Variants in ZNF596 observed in about 807,000 individuals in gnomAD.
ZNF596 encodes the protein zinc finger protein 596.
A neutral mutation model predicts 48.3 loss-of-function variants in ZNF596; 45 were observed. The observed-to-expected ratio is 0.93, with a 90% CI of 0.73 to 1.19. The LOEUF (loss-of-function observed/expected upper bound fraction) is 1.19. Among genes scored for constraint, ZNF596 ranks in the 50% most tolerant of loss-of-function variants. The probability of loss-of-function intolerance (pLI) is 0.00; values close to 1 mark genes in which losing one functional copy is unlikely to be tolerated. For synonymous variants in ZNF596, 270 were observed against 202.0 expected, an observed-to-expected ratio of 1.34 and a Z score of -2.85; for missense variants, 848 against 599.7, an observed-to-expected ratio of 1.41 and a Z score of -4.32.
At chr8:235,135 C>G (rs530049160) in intron 1 of ZNF596, among the ~76,000 whole-genome samples, 1 of 152,096 alleles carries the variant, frequency 6.6e-6, no homozygotes, top group Non-Finnish European at 1.5e-5. Flanking sequence ...TTCATCCACA[C>G]GATGGAGTGT....
intron 3 of ZNF596, 200 bp downstream of exon 3, chr8:243,213 T>C (rs1796925075): frequency 2.4e-6 from 1 of 419,362 alleles, no homozygotes; most frequent in East Asian, 3.9e-5. Context: ...ATTTGTCCTC[T>C]CTCTAGAAAG....
chr8:246,643 T>C lies in ZNF596; in HGVS notation c.*281T>C, dbSNP rs1262539548. On this transcript the variant is annotated 3_prime_UTR_variant, in exon 6 of 6. Transcript: ENST00000398612. Reference sequence around the variant, plus strand: ...TGTTAAATAAATGGGAGAAATCACATCACGAAAATTCTGTGCCTGTCGTCA... The same window carrying C: ...TGTTAAATAAATGGGAGAAATCACACCACGAAAATTCTGTGCCTGTCGTCA... The C allele has an allele frequency of 3.4e-6, 1 of 297,436 alleles. No individual in the cohort carries two copies. The highest frequency in any genetic ancestry group is 6.2e-6 in the Non-Finnish European group (1 of 161,866). The allele number at this position is 297,436 out of a possible 1,614,324, so 18.4% of individuals were successfully genotyped here.
At chr8:236,181 G>A (rs1424157558) in intron 1 of ZNF596, among the ~76,000 whole-genome samples, 3 of 152,026 alleles carry the variant, frequency 2.0e-5, no homozygotes, top group African/African-American at 7.3e-5. Flanking sequence ...CATAATATTT[G>A]CCTGTTGTAA....
chr8:242,770 GT>G, intron 2 of ZNF596, 116 bp from the exon 3 acceptor site: 1 of 992,598 alleles, frequency 1.0e-6, no homozygotes, highest in East Asian at 2.9e-5. Context: ...CCCAAACACT[GT>G]TTTGAGTTTT....
intron 3 of ZNF596, 23 bp downstream of exon 3, chr8:243,036 T>C (rs142232746): frequency 1.9e-6 from 3 of 1,597,760 alleles, no homozygotes; most frequent in South Asian, 2.2e-5. Flanking sequence ...ATATTTATTA[T>C]GTATGTATAT....
Position 246,263 on chromosome 8 carries a change from GAA to G in ZNF596, c.1418_1419del (p.Lys473ThrfsTer12). On this transcript the variant is annotated frameshift_variant, in exon 6 of 6. Coordinates refer to ENST00000398612, the MANE Select transcript of ZNF596 (RefSeq NM_001042416.3). LOFTEE classifies it high-confidence loss of function. ...RLHRRVHTGEKPYVCPLCGKA... is the reference protein window; with the variant it reads ...RLHRRVHTGEXPYVCPLCGKA... The stretch of plus-strand genomic sequence containing the variant: ...TTCATAGAAGAGTTCACACTGGAGA[GAA>G]ACCATATGTATGTCCTCTATGTGGG... The G allele has an allele frequency of 6.2e-7, 1 of 1,613,076 alleles. No individual in the cohort carries two copies. The highest frequency in any genetic ancestry group is 8.5e-7 in the Non-Finnish European group (1 of 1,179,542).
chr8:235,927 A>G (rs1256516538), intron 1 of ZNF596, among the ~76,000 whole-genome samples: 2 of 152,078 alleles, frequency 1.3e-5, no homozygotes, highest in Non-Finnish European at 2.9e-5. Context: ...TTGACTGTAT[A>G]CTCACCAAAA....
intron 1 of ZNF596, among the ~76,000 whole-genome samples, chr8:239,927 G>C (rs1405149025): frequency 2.0e-5 from 3 of 152,132 alleles, no homozygotes; most frequent in Admixed American, 6.5e-5. Flanking sequence ...TGTCTCATTA[G>C]AACAGAAGAC....
In ZNF596 at chr8:242,868, A is replaced by T; in HGVS notation, c.13-19A>T. Reference sequence around the variant, plus strand: ...GCAGAGATAGCCCTGTTTGCAGTAGAATGTCCATAATGTTTTAGGATTCCA... The same window carrying T: ...GCAGAGATAGCCCTGTTTGCAGTAGTATGTCCATAATGTTTTAGGATTCCA... On this transcript the variant is annotated intron_variant, in intron 2 of 5. Coordinates refer to ENST00000398612, the MANE Select transcript of ZNF596 (RefSeq NM_001042416.3). The T allele has an allele frequency of 6.6e-7, 1 of 1,507,526 alleles. No individual in the cohort carries two copies. The highest frequency in any genetic ancestry group is 8.9e-7 in the Non-Finnish European group (1 of 1,117,838). 93.4% of individuals were successfully genotyped at this position (1,507,526 alleles called of 1,614,324 possible).
chr8:243,218 A>C, intron 3 of ZNF596: 1 of 406,178 alleles, frequency 2.5e-6, no homozygotes, highest in Non-Finnish European at 4.3e-6. Flanking sequence ...TCCTCTCTCT[A>C]GAAAGTCATC....
At chr8:245,082 A>G (rs1412686023) in intron 5 of ZNF596, 72 bp from the exon 6 acceptor site, 1 of 1,476,130 alleles carries the variant, frequency 6.8e-7, no homozygotes, top group Admixed American at 2.3e-5. Context: ...ATTAATATGT[A>G]GAGAAATGAA....
At position 244,697 on chromosome 8, in the gene ZNF596, C is replaced by T. The variant is rs1204066068; in HGVS notation, c.302C>T (p.Thr101Ile). 9.9e-6 allele frequency: 16 copies of T among 1,611,356 alleles called. No individual in the cohort carries two copies. Among genetic ancestry groups the T allele is most frequent in the Non-Finnish European group, 1.4e-5 (16 of 1,178,560 alleles). Residue 101 changes from threonine (T) to isoleucine (I), a missense_variant, in exon 5 of 6, where the codon ACA becomes ATA. Thr to Ile is a moderately conservative substitution (Grantham distance 89). Transcript: ENST00000398612. ...CAGAAGGGCACGTCCACCATCAGCA[C>T]AATGGTAAGCTTTATGGATGCAAAC... The part of the protein sequence containing the change: ...IYQKGTSTIS[T>I]MRSHTQEDPF...
Position 246,375 on chromosome 8 carries a change from G to T in ZNF596, c.*13G>T. On this transcript the variant is annotated 3_prime_UTR_variant, in exon 6 of 6. Transcript: ENST00000398612. The stretch of plus-strand genomic sequence containing the variant: ...AATGAATATGTAAGAATCATCAGCT[G>T]TAGCGTTAACACTAAATACACCAAG... 6.4e-7 allele frequency: 1 copy of T among 1,561,950 alleles called. No individual in the cohort carries two copies.
chr8:238,966 TA>T (rs1796739758), intron 1 of ZNF596, among the ~76,000 whole-genome samples: 1 of 151,754 alleles, frequency 6.6e-6, no homozygotes, highest in Non-Finnish European at 1.5e-5. Context: ...AGAAAAACCA[TA>T]ATAAAAGAAT....
rs1206146689 is a variant in ZNF596 at position 244,651 on chromosome 8, C to A, written c.256C>A (p.Pro86Thr). Residue 86 changes from proline (P) to threonine (T), a missense_variant, in exon 5 of 6, where the codon CCA (proline) becomes ACA (threonine). By Grantham distance (38) the Pro-to-Thr change is conservative. Coordinates refer to ENST00000398612, the MANE Select transcript of ZNF596 (RefSeq NM_001042416.3). ...REVGIKHQEI[P>T]FIQHIYQKGT... The stretch of plus-strand genomic sequence containing the variant: ...AGTTGGCATTAAACATCAAGAGATA[C>A]CATTCATTCAACATATCTATCAGAA... 6.2e-7 allele frequency: 1 copy of A among 1,612,796 alleles called. No homozygotes were observed. Among genetic ancestry groups the A allele is most frequent in the East Asian group, 2.2e-5 (1 of 44,812 alleles).
In ZNF596 at chr8:244,661, A is replaced by G. The variant is rs918748697; in HGVS notation, c.266A>G (p.Gln89Arg). The G allele has an allele frequency of 6.2e-7, 1 of 1,613,582 alleles. No individual in the cohort carries two copies. Among genetic ancestry groups the G allele is most frequent in the African/African-American group, 1.3e-5 (1 of 74,964 alleles). Residue 89 changes from glutamine (Q) to arginine (R), a missense_variant, in exon 5 of 6, where the codon CAA becomes CGA. Transcript: ENST00000398612. ...GIKHQEIPFI[Q>R]HIYQKGTSTI... is the part of the protein sequence containing the mutation. ...AAACATCAAGAGATACCATTCATTCAACATATCTATCAGAAGGGCACGTCC... is the reference window on the plus strand; with the variant it reads ...AAACATCAAGAGATACCATTCATTCGACATATCTATCAGAAGGGCACGTCC...
Position 234,564 on chromosome 8 carries a change from T to C in ZNF596, c.-73+1870T>C, listed in dbSNP as rs544005648. The stretch of plus-strand genomic sequence containing the variant: ...AAGAAAGAAGCTCAGAGAACAAAAA[T>C]GGAAAAGGATTAGATATGGCACTTT... On this transcript the variant is annotated intron_variant, in intron 1 of 5. Coordinates refer to ENST00000398612, the MANE Select transcript of ZNF596 (RefSeq NM_001042416.3). 3.3e-5 allele frequency: 5 copies of C among 152,256 alleles called. No individual in the cohort carries two copies. In the East Asian group the frequency reaches 5.8e-4, roughly 18 times the overall value. The allele number at this position is 152,256 out of a possible 1,614,324, so 9.4% of individuals were successfully genotyped here.
intron 1 of ZNF596, among the ~76,000 whole-genome samples, chr8:236,830 G>C (rs1034261260): frequency 1.3e-5 from 2 of 152,160 alleles, no homozygotes; most frequent in Non-Finnish European, 2.9e-5. Context: ...TTGTATTGAT[G>C]ATTTTTGCAA....
chr8:242,191 C>A (rs924564947), intron 2 of ZNF596, among the ~76,000 whole-genome samples: 2 of 152,184 alleles, frequency 1.3e-5, no homozygotes, highest in Non-Finnish European at 1.5e-5. Flanking sequence ...GTACTGAAGT[C>A]TTAGAGTCCC....
Sources: gnomAD v4.1 joint callset for allele counts (sites outside exome capture counted in the v4.1 genomes callset) on GRCh38, gnomAD v4.1.1 for gene constraint, MANE v1.5 for transcripts, NCBI Gene and HGNC (gene_info 2026-07-23, HGNC 2026-07-21) for gene names.